Variants in RBM26 observed in about 807,000 individuals in gnomAD.
RBM26 encodes RNA binding motif protein 26, also known as RNA-binding protein 26.
In RBM26, 30 loss-of-function variants were observed where a neutral mutation model predicts 123.6. That is an observed-to-expected ratio of 0.24 (90% CI 0.18 to 0.33). The LOEUF (loss-of-function observed/expected upper bound fraction) is 0.33, where lower values mean the gene tolerates loss of function less well. RBM26 is among the 10% of genes least tolerant of loss of function. RBM26 has a pLI of 1.00. For synonymous variants in RBM26, 400 were observed against 404.4 expected (o/e 0.99, Z 0.13); for missense variants, 947 against 1,203.6 (o/e 0.79, Z 3.15).
intron 20 of RBM26, among the ~76,000 whole-genome samples, chr13:79,326,686 T>G (rs1487175482): frequency 6.6e-6 from 1 of 152,150 alleles, no homozygotes; most frequent in African/African-American, 2.4e-5. Flanking sequence ...TCTATTAAAA[T>G]TTTAAAAAAC....
chr13:79,358,704 A>G (rs955456060), intron 10 of RBM26, among the ~76,000 whole-genome samples: 3 of 152,188 alleles, frequency 2.0e-5, no homozygotes, highest in Non-Finnish European at 4.4e-5. Context: ...TAACATTCCT[A>G]TCAGGAAAAG....
chr13:79,360,757 A>T (rs979608016), intron 9 of RBM26, among the ~76,000 whole-genome samples: 1 of 152,154 alleles, frequency 6.6e-6, no homozygotes, highest in Non-Finnish European at 1.5e-5. Context: ...AGAGCTGTAA[A>T]AGTCTGTTAC....
chr13:79,379,884 A>G (rs2076946024), intron 1 of RBM26, among the ~76,000 whole-genome samples: 1 of 152,222 alleles, frequency 6.6e-6, no homozygotes, highest in Non-Finnish European at 1.5e-5. Flanking sequence ...CTCTTAAATG[A>G]GTAAAAATTC....
intron 5 of RBM26, among the ~76,000 whole-genome samples, chr13:79,370,004 A>G (rs145870014): frequency 6.6e-6 from 1 of 152,142 alleles, no homozygotes; most frequent in Non-Finnish European, 1.5e-5. Context: ...GTCATCACAG[A>G]TTAGTTTGCA....
Position 79,365,673 on chromosome 13 carries a change from G to C in RBM26, c.1322C>G (p.Thr441Arg). Residue 441 changes from threonine to arginine, a missense_variant, in exon 9 of 22, where the codon ACA becomes AGA. Transcript: ENST00000438737. Reference protein sequence around the residue: ...DGYNPEAPSITNTSRPMYRHR... With the variant: ...DGYNPEAPSIRNTSRPMYRHR... ...TCTATACATAGGTCTGGAAGTGTTT[G>C]TTATGCTTGGGGCTTCAGGATTGTA... 6.2e-7 allele frequency: 1 copy of C among 1,613,760 alleles called. No individual in the cohort carries two copies. The highest frequency in any genetic ancestry group is 1.1e-5 in the South Asian group (1 of 91,074).
chr13:79,389,142 G>C (rs1189929490), intron 1 of RBM26, among the ~76,000 whole-genome samples: 1 of 152,152 alleles, frequency 6.6e-6, no homozygotes, highest in African/African-American at 2.4e-5. Context: ...AAGTAGGCTA[G>C]AATTTACACT....
chr13:79,372,348 CATTTAATTAACATTAAATAAA>C (rs1307179146), intron 3 of RBM26, among the ~76,000 whole-genome samples: 1 of 152,076 alleles, frequency 6.6e-6, no homozygotes, highest in African/African-American at 2.4e-5. Context: ...TTAACATTAA[CATTTAATTAACATTAAATAAA>C]ATTTAATTAA....
intron 14 of RBM26, among the ~76,000 whole-genome samples, chr13:79,349,940 C>T (rs1435028561): frequency 6.6e-6 from 1 of 152,176 alleles, no homozygotes; most frequent in Non-Finnish European, 1.5e-5. Flanking sequence ...TCGTGATCTG[C>T]CTACCTCGGC....
At position 79,377,490 on chromosome 13, in the gene RBM26, A is replaced by C; in HGVS notation, c.216T>G (p.Leu72=). ...AACTCTTTGTATTCACAGCATCAAA[A>C]AGTTTTTCCACAAATATCTGTGTCT... ...QKETQIFVEK[L]FDAVNTKSYL... Residue 72 remains leucine (L), a synonymous_variant, in exon 3 of 22, where the codon CTT becomes CTG. Transcript: ENST00000438737. 1 of 1,611,802 alleles carries C rather than the reference A, an allele frequency of 6.2e-7. No individual in the cohort carries two copies.
In RBM26 at chr13:79,366,734, C is replaced by T; in HGVS notation, c.1034G>A (p.Gly345Glu). The change falls in exon 7 of 22, where the codon GGA becomes GAA. Residue 345 changes from glycine to glutamate, a missense_variant. Gly to Glu is a moderately conservative substitution (Grantham distance 98). Coordinates refer to ENST00000438737, the MANE Select transcript of RBM26 (RefSeq NM_001366735.2). ...PPVVEGPPPP[G>E]LPPPPPILTP... Reference sequence around the variant, plus strand: ...AAGAATTGGTGGAGGTGGGGGGAGTCCAGGAGGAGGTGGTCCTTCAACAAC... The same window carrying T: ...AAGAATTGGTGGAGGTGGGGGGAGTTCAGGAGGAGGTGGTCCTTCAACAAC... The T allele has an allele frequency of 1.2e-6, 2 of 1,612,914 alleles. No homozygotes were observed. Among genetic ancestry groups the T allele is most frequent in the South Asian group, 1.1e-5 (1 of 90,946 alleles).
At chr13:79,330,811 T>C (rs2069178667) in intron 20 of RBM26, among the ~76,000 whole-genome samples, 1 of 152,174 alleles carries the variant, frequency 6.6e-6, no homozygotes, top group African/African-American at 2.4e-5. Context: ...TCTTTAACTC[T>C]TGAGTTCAAT....
intron 1 of RBM26, among the ~76,000 whole-genome samples, chr13:79,380,305 C>G (rs1487354591): frequency 2.6e-5 from 4 of 151,950 alleles, no homozygotes; most frequent in Admixed American, 2.0e-4. Flanking sequence ...CTAAAGAAAT[C>G]TTCATATCAA....
intron 14 of RBM26, among the ~76,000 whole-genome samples, chr13:79,347,263 G>A (rs533370747): frequency 1.3e-5 from 2 of 152,232 alleles, no homozygotes; most frequent in African/African-American, 4.8e-5. Context: ...CTCAGTGACT[G>A]TAAGACAAAC....
chr13:79,334,238 C>G (rs1486454881), intron 20 of RBM26, 106 bp downstream of exon 20: 2 of 630,154 alleles, frequency 3.2e-6, no homozygotes, highest in Non-Finnish European at 5.4e-6. Flanking sequence ...TACCTATTGT[C>G]AAAGCATATT....
intron 20 of RBM26, among the ~76,000 whole-genome samples, chr13:79,323,012 A>C (rs1352318734): frequency 6.6e-6 from 1 of 151,530 alleles, no homozygotes; most frequent in Non-Finnish European, 1.5e-5. Flanking sequence ...TAAAATGTTT[A>C]TTATAAAACT....
At chr13:79,338,385 C>A (rs1179013607) in intron 18 of RBM26, among the ~76,000 whole-genome samples, 1 of 152,054 alleles carries the variant, frequency 6.6e-6, no homozygotes, top group East Asian at 1.9e-4. Context: ...GCTTTATTCC[C>A]AGCAGTAGCT....
chr13:79,398,546 T>C (rs1277825633), intron 1 of RBM26, among the ~76,000 whole-genome samples: 3 of 152,218 alleles, frequency 2.0e-5, no homozygotes, highest in East Asian at 1.9e-4. Context: ...CCAATAATTA[T>C]AGACTATTAA....
At chr13:79,340,314 A>T (rs1488716955) in intron 18 of RBM26, among the ~76,000 whole-genome samples, 4 of 152,056 alleles carry the variant, frequency 2.6e-5, no homozygotes, top group Admixed American at 2.0e-4. Context: ...TATGGTAGCT[A>T]CTAAATGTTA....
intron 1 of RBM26, among the ~76,000 whole-genome samples, chr13:79,383,299 A>C (rs2077214514): frequency 6.6e-6 from 1 of 152,226 alleles, no homozygotes; most frequent in African/African-American, 2.4e-5. Context: ...GAAATATAAA[A>C]TAACACATTA....
Sources: gnomAD v4.1 joint callset for allele counts (sites outside exome capture counted in the v4.1 genomes callset) on GRCh38, gnomAD v4.1.1 for gene constraint, MANE v1.5 for transcripts, NCBI Gene and HGNC (gene_info 2026-07-23, HGNC 2026-07-21) for gene names.